The following WIPF3 variants were observed in gnomAD, a reference collection of about 807,000 sequenced individuals.
WIPF3 encodes WAS/WASL-interacting protein family member 3.
WIPF3 carries 33 observed loss-of-function variants against 38.9 expected under a neutral mutation model. The ratio of observed to expected loss-of-function variants is 0.85; its 90% CI spans 0.64 to 1.14. The LOEUF is 1.14. WIPF3 is among the 50% of genes most tolerant of loss of function. WIPF3 has a pLI of 0.00. For synonymous variants in WIPF3, 324 were observed against 269.3 expected, an observed-to-expected ratio of 1.20 and a Z score of -1.99; for missense variants, 711 against 652.5, an observed-to-expected ratio of 1.09 and a Z score of -0.98.
chr7:29,905,592 C>G (rs1266899070), intron 8 of WIPF3: 1 of 152,224 alleles, frequency 6.6e-6, no homozygotes. Flanking sequence ...GTTCCTGGAG[C>G]AGCTTGCATA....
At chr7:29,846,006 A>G (rs1228395789) in intron 2 of WIPF3, among the ~76,000 whole-genome samples, 1 of 152,246 alleles carries the variant, frequency 6.6e-6, no homozygotes, top group East Asian at 1.9e-4. Context: ...TGGCTGTGAT[A>G]TGAAAGTTAT....
intron 1 of WIPF3, among the ~76,000 whole-genome samples, chr7:29,814,077 C>T (rs1784421574): frequency 6.6e-6 from 1 of 152,100 alleles, no homozygotes; most frequent in African/African-American, 2.4e-5. Context: ...CGTGCCATGA[C>T]ACCCAGCTAA....
chr7:29,888,153 CACAGCCTGGACCCCGACGCA>C lies in WIPF3; in HGVS notation c.1186_1205del (p.Thr396AlafsTer15). ...AGCTTTCAAGCAAGAGCCAGCAGGC[CACAGCCTGGACCCCGACGCA>C]GCAGCCTGGAGGTCAACTGCGAAAT... On this transcript the variant is annotated frameshift_variant, in exon 6 of 9. Coordinates refer to ENST00000242140, the MANE Select transcript of WIPF3 (RefSeq NM_001080529.3). LOFTEE classifies it high-confidence loss of function. The C allele has an allele frequency of 6.2e-7, 1 of 1,613,748 alleles. No individual in the cohort carries two copies. The highest frequency in any genetic ancestry group is 8.5e-7 in the Non-Finnish European group (1 of 1,179,790).
intron 1 of WIPF3, among the ~76,000 whole-genome samples, chr7:29,825,143 G>A (rs1040668275): frequency 3.9e-5 from 6 of 152,106 alleles, no homozygotes; most frequent in African/African-American, 4.8e-5. Flanking sequence ...TAAAGAGGTG[G>A]TCATTCATTT....
At chr7:29,834,573 C>T in intron 1 of WIPF3, 95 bp from the exon 2 acceptor site, 1 of 1,126,354 alleles carries the variant, frequency 8.9e-7, no homozygotes, top group Non-Finnish European at 1.2e-6. Context: ...GTGAAAGAAT[C>T]AAGCTGACTA....
chr7:29,894,919 GTT>G (rs60160111), intron 7 of WIPF3, among the ~76,000 whole-genome samples: 3 of 146,500 alleles, frequency 2.0e-5, no homozygotes, highest in African/African-American at 7.6e-5. Flanking sequence ...GTGTGTTGTT[GTT>G]TTTTTTTGTT....
intron 1 of WIPF3, among the ~76,000 whole-genome samples, chr7:29,827,487 C>T (rs922554969): frequency 6.6e-6 from 1 of 151,992 alleles, no homozygotes; most frequent in Non-Finnish European, 1.5e-5. Flanking sequence ...TTTATTTGTT[C>T]CTTGTTTGCA....
At chr7:29,847,895 A>G (rs1002775776) in intron 2 of WIPF3, among the ~76,000 whole-genome samples, 10 of 152,186 alleles carry the variant, frequency 6.6e-5, no homozygotes, top group African/African-American at 2.4e-4. Context: ...TTGGGGGAGA[A>G]TGGGACTGAG....
chr7:29,886,530 T>C (rs1785885917), intron 5 of WIPF3, among the ~76,000 whole-genome samples: 1 of 151,938 alleles, frequency 6.6e-6, no homozygotes, highest in South Asian at 2.1e-4. Flanking sequence ...CTAATTTTTG[T>C]ATTTTTAGTA....
chr7:29,911,311 ATTG>A (rs1786501159), intron 8 of WIPF3, among the ~76,000 whole-genome samples: 1 of 152,228 alleles, frequency 6.6e-6, no homozygotes, highest in African/African-American at 2.4e-5. Context: ...AGAAGACATT[ATTG>A]TTAAGATGTC....
intron 7 of WIPF3, among the ~76,000 whole-genome samples, chr7:29,897,099 A>G (rs190005187): frequency 6.6e-6 from 1 of 152,284 alleles, no homozygotes; most frequent in Admixed American, 6.5e-5. Flanking sequence ...AGTTTTTTTA[A>G]GCCTGGTTTA....
chr7:29,906,128 A>G (rs1786392573), intron 8 of WIPF3: 1 of 152,224 alleles, frequency 6.6e-6, no homozygotes, highest in Non-Finnish European at 1.5e-5. Context: ...GTTTTCAACA[A>G]CAACAAAAAT....
At chr7:29,909,197 A>T (rs1326930766) in intron 8 of WIPF3, among the ~76,000 whole-genome samples, 1 of 152,132 alleles carries the variant, frequency 6.6e-6, no homozygotes, top group Non-Finnish European at 1.5e-5. Context: ...AAAAAACAAG[A>T]AAGTTATCAA....
intron 5 of WIPF3, among the ~76,000 whole-genome samples, chr7:29,886,269 G>C (rs1213391328): frequency 1.3e-5 from 2 of 151,714 alleles, no homozygotes; most frequent in Non-Finnish European, 1.5e-5. Context: ...GTCACCATGA[G>C]GGCCAGCATT....
At chr7:29,890,648 C>A (rs2128077786) in intron 7 of WIPF3, among the ~76,000 whole-genome samples, 1 of 152,360 alleles carries the variant, frequency 6.6e-6, no homozygotes, top group South Asian at 2.1e-4. Context: ...ACTCAACTTC[C>A]TGCAGAGCAG....
intron 1 of WIPF3, among the ~76,000 whole-genome samples, chr7:29,818,151 T>G (rs1026986378): frequency 5.3e-5 from 8 of 152,182 alleles, no homozygotes; most frequent in South Asian, 2.1e-4. Context: ...AATTATCTTA[T>G]TAATTAAAAT....
intron 1 of WIPF3, among the ~76,000 whole-genome samples, chr7:29,833,156 G>T (rs970317675): frequency 6.6e-6 from 1 of 152,224 alleles, no homozygotes; most frequent in African/African-American, 2.4e-5. Flanking sequence ...GTTACTGGGG[G>T]CTGAGGGGAG....
At chr7:29,827,370 C>T (rs1784631794) in intron 1 of WIPF3, among the ~76,000 whole-genome samples, 1 of 152,116 alleles carries the variant, frequency 6.6e-6, no homozygotes, top group Non-Finnish European at 1.5e-5. Context: ...AGAAAGTGAC[C>T]ATCATAAAAC....
intron 4 of WIPF3, among the ~76,000 whole-genome samples, chr7:29,882,222 T>C (rs780713981): frequency 7.9e-5 from 12 of 152,264 alleles, no homozygotes; most frequent in Non-Finnish European, 1.8e-4. Context: ...TTAAAAGGTT[T>C]GGATAGGCTA....
Sources: gnomAD v4.1 joint callset for allele counts (sites outside exome capture counted in the v4.1 genomes callset) on GRCh38, gnomAD v4.1.1 for gene constraint, MANE v1.5 for transcripts, NCBI Gene and HGNC (gene_info 2026-07-23, HGNC 2026-07-21) for gene names.